The following PHACTR3 variants were observed in gnomAD, a reference collection of about 807,000 sequenced individuals.
PHACTR3 encodes the protein phosphatase and actin regulator 3, also known as protein phosphatase 1, regulatory subunit 123.
PHACTR3 carries 16 observed loss-of-function variants against 66.8 expected under a neutral mutation model. The observed-to-expected ratio is 0.24, with a 90% CI of 0.16 to 0.36. PHACTR3 has a LOEUF of 0.36. Among genes scored for constraint, PHACTR3 ranks in the 10% least tolerant of loss-of-function variants. The pLI is 1.00. For missense variants in PHACTR3, 647 were observed against 719.9 expected (o/e 0.90, Z 1.16); for synonymous variants, 323 against 292.1 (o/e 1.11, Z -1.08).
chr20:59,696,794 C>T (rs562570453), intron 1 of PHACTR3, among the ~76,000 whole-genome samples: 2 of 152,258 alleles, frequency 1.3e-5, no homozygotes, highest in Admixed American at 6.5e-5. Context: ...GTGGCAGGGC[C>T]TCGGCTCTGC....
At chr20:59,821,879 A>T (rs557861866) in intron 8 of PHACTR3, among the ~76,000 whole-genome samples, 1 of 151,346 alleles carries the variant, frequency 6.6e-6, no homozygotes, top group East Asian at 2.0e-4. Context: ...AGCTGGCAGG[A>T]AGTTGAGGAG....
chr20:59,746,958 G>A (rs138492761), intron 2 of PHACTR3, among the ~76,000 whole-genome samples: 1 of 149,778 alleles, frequency 6.7e-6, no homozygotes, highest in African/African-American at 2.5e-5. Context: ...TCAAAGAAAG[G>A]GTTGAGGTGG....
chr20:59,670,143 G>A (rs567998062), intron 1 of PHACTR3, among the ~76,000 whole-genome samples: 16 of 152,322 alleles, frequency 1.1e-4, no homozygotes, highest in Admixed American at 8.5e-4. Flanking sequence ...TCTTTCTTCT[G>A]ATCTTTAGTG....
intron 1 of PHACTR3, among the ~76,000 whole-genome samples, chr20:59,666,572 G>A (rs974544675): frequency 6.6e-6 from 1 of 152,088 alleles, no homozygotes; most frequent in Non-Finnish European, 1.5e-5. Context: ...GACAGAGACA[G>A]AGAGACAGGG....
intron 2 of PHACTR3, among the ~76,000 whole-genome samples, chr20:59,745,917 C>A (rs2039353437): frequency 6.6e-6 from 1 of 152,216 alleles, no homozygotes; most frequent in Non-Finnish European, 1.5e-5. Flanking sequence ...CAGGCAAAGA[C>A]CTGTGATGTC....
intron 1 of PHACTR3, among the ~76,000 whole-genome samples, chr20:59,707,959 A>G (rs905695760): frequency 3.3e-5 from 5 of 152,230 alleles, no homozygotes; most frequent in Non-Finnish European, 7.3e-5. Flanking sequence ...ACAATGTGAA[A>G]TGGACTAACC....
chr20:59,807,252 A>G (rs562639436), intron 8 of PHACTR3, among the ~76,000 whole-genome samples: 2 of 152,320 alleles, frequency 1.3e-5, no homozygotes, highest in East Asian at 1.9e-4. Context: ...CCCTTATTCT[A>G]CAAGCTTTTT....
chr20:59,613,272 T>C (rs1005669563), intron 1 of PHACTR3, among the ~76,000 whole-genome samples: 7 of 152,244 alleles, frequency 4.6e-5, no homozygotes, highest in African/African-American at 1.7e-4. Flanking sequence ...CCAGACAGCA[T>C]GATGGCGTCC....
chr20:59,746,985 T>C (rs567085278), intron 2 of PHACTR3, among the ~76,000 whole-genome samples: 1 of 152,262 alleles, frequency 6.6e-6, no homozygotes, highest in South Asian at 2.1e-4. Flanking sequence ...AGTCTTGTAT[T>C]TGGAAATTGG....
intron 1 of PHACTR3, among the ~76,000 whole-genome samples, chr20:59,595,317 C>G (rs1483264524): frequency 6.6e-6 from 1 of 152,084 alleles, no homozygotes; most frequent in African/African-American, 2.4e-5. Flanking sequence ...CAAAACTTAG[C>G]CCGGCATGGT....
intron 9 of PHACTR3, among the ~76,000 whole-genome samples, chr20:59,839,695 G>A (rs188212394): frequency 5.7e-4 from 87 of 152,266 alleles, no homozygotes; most frequent in African/African-American, 2.0e-3. Context: ...AATGTTAATA[G>A]TCACAACTTA....
intron 7 of PHACTR3, among the ~76,000 whole-genome samples, chr20:59,785,695 A>G (rs1250527331): frequency 6.6e-6 from 1 of 152,214 alleles, no homozygotes; most frequent in Non-Finnish European, 1.5e-5. Flanking sequence ...CACCTCCTGC[A>G]TGCACTGTGA....
rs143705039 is a variant in PHACTR3 at position 59,825,223 on chromosome 20, G to C, written c.1329-11282G>C. ...TACTGCCTTTTGTACTCTGGTGGCA[G>C]CTGTGCAAGCGTGGGACTGTGGTGT... On this transcript the variant is annotated intron_variant, in intron 8 of 12. Coordinates refer to ENST00000371015, the MANE Select transcript of PHACTR3 (RefSeq NM_080672.5). 1.7e-3 allele frequency among the ~76,000 whole-genome samples: 252 copies of C among 152,344 alleles called. 1 individual carries two copies. The highest frequency in any genetic ancestry group is 5.7e-3 in the African/African-American group (239 of 41,574).
intron 2 of PHACTR3, 114 bp from the exon 3 acceptor site, chr20:59,747,644 C>T: frequency 2.4e-6 from 3 of 1,241,036 alleles, no homozygotes; most frequent in Non-Finnish European, 3.4e-6. Flanking sequence ...CCCGAGGCGC[C>T]TGCTAGCTCA....
At chr20:59,655,547 CTTT>C (rs1241129294) in intron 1 of PHACTR3, among the ~76,000 whole-genome samples, 2 of 152,002 alleles carry the variant, frequency 1.3e-5, no homozygotes, top group East Asian at 1.9e-4. Context: ...TCTCTCTCTT[CTTT>C]ATCAGTCTAG....
At chr20:59,598,836 G>A (rs766392684) in intron 1 of PHACTR3, among the ~76,000 whole-genome samples, 8 of 152,180 alleles carry the variant, frequency 5.3e-5, no homozygotes, top group Admixed American at 2.6e-4. Context: ...AGCAGAGGGC[G>A]CGGCTGCCCA....
chr20:59,671,263 C>T (rs938877981), intron 1 of PHACTR3, among the ~76,000 whole-genome samples: 2 of 152,204 alleles, frequency 1.3e-5, no homozygotes, highest in Non-Finnish European at 2.9e-5. Context: ...TGTACATTCA[C>T]AAGAAGGCTG....
chr20:59,584,915 A>C (rs1209606284), intron 1 of PHACTR3, among the ~76,000 whole-genome samples: 6 of 146,670 alleles, frequency 4.1e-5, no homozygotes, highest in African/African-American at 7.6e-5. Flanking sequence ...CCCAGCCCCC[A>C]CCCCCTCAGC....
At chr20:59,628,251 G>A (rs1006636573) in intron 1 of PHACTR3, 3 of 152,232 alleles carry the variant, frequency 2.0e-5, no homozygotes, top group Non-Finnish European at 2.9e-5. Flanking sequence ...CGAGCCATGC[G>A]TGTTCCCTGG....
Sources: gnomAD v4.1 joint callset for allele counts (sites outside exome capture counted in the v4.1 genomes callset) on GRCh38, gnomAD v4.1.1 for gene constraint, MANE v1.5 for transcripts, NCBI Gene and HGNC (gene_info 2026-07-23, HGNC 2026-07-21) for gene names.